The following PALS2 variants were observed in gnomAD, a reference collection of about 807,000 sequenced individuals.
The protein encoded by PALS2 is protein PALS2.
In PALS2, 27 loss-of-function variants were observed where a neutral mutation model predicts 61.6. That is an observed-to-expected ratio of 0.44 (90% confidence interval 0.32 to 0.60). The LOEUF is 0.60. Ranked by LOEUF, PALS2 falls within the 20% of genes least tolerant of loss-of-function variation. The probability of loss-of-function intolerance (pLI) is 0.05; values close to 1 mark genes in which losing one functional copy is unlikely to be tolerated. For synonymous variants in PALS2, 236 were observed against 218.6 expected (o/e 1.08, Z -0.70); for missense variants, 554 against 639.4 (o/e 0.87, Z 1.44).
At chr7:24,643,440 A>G (rs1239564981) in intron 3 of PALS2, among the ~76,000 whole-genome samples, 1 of 152,140 alleles carries the variant, frequency 6.6e-6, no homozygotes, top group East Asian at 1.9e-4. Flanking sequence ...ACAAATGTAC[A>G]TATATAATTT....
chr7:24,641,733 A>G lies in PALS2; in HGVS notation c.135A>G (p.Glu45=). ...TTTTTCAGGCTCATGAGAGGCTAGA[A>G]GATTCCAAACTAGAAGCTGTCAGTG... is the stretch of plus-strand genomic sequence containing the variant. ...KSLAKAHERL[E]DSKLEAVSDN... is the part of the protein sequence containing the mutation. Residue 45 remains glutamate (E), a synonymous_variant, in exon 3 of 12, where the codon GAA becomes GAG. Coordinates refer to ENST00000222644, the MANE Select transcript of PALS2 (RefSeq NM_001303037.2). 1 of 1,610,812 alleles carries G rather than the reference A, an allele frequency of 6.2e-7. No homozygotes were observed. The highest frequency in any genetic ancestry group is 8.5e-7 in the Non-Finnish European group (1 of 1,178,332).
chr7:24,597,518 C>G (rs1783568151), intron 1 of PALS2, among the ~76,000 whole-genome samples: 1 of 151,994 alleles, frequency 6.6e-6, no homozygotes, highest in African/African-American at 2.4e-5. Flanking sequence ...AAATGAGGTT[C>G]CATATAGGGA....
At chr7:24,636,139 G>A (rs1263064055) in intron 2 of PALS2, among the ~76,000 whole-genome samples, 1 of 151,074 alleles carries the variant, frequency 6.6e-6, no homozygotes, top group East Asian at 1.9e-4. Context: ...TTGAACCCGG[G>A]AGGTGGAGGT....
chr7:24,641,700 A>C lies in PALS2; in HGVS notation c.118-16A>C. 1 of 1,573,962 alleles carries C rather than the reference A, an allele frequency of 6.4e-7. No individual in the cohort carries two copies. The highest frequency in any genetic ancestry group is 8.6e-7 in the Non-Finnish European group (1 of 1,158,872). ...CAAATAAGTATTACTACTTTAATATACTCTTATTTTTTCAGGCTCATGAGA... is the reference window on the plus strand; with the variant it reads ...CAAATAAGTATTACTACTTTAATATCCTCTTATTTTTTCAGGCTCATGAGA... On this transcript the variant is annotated splice_polypyrimidine_tract_variant and intron_variant, in intron 2 of 11. Coordinates refer to ENST00000222644, the MANE Select transcript of PALS2 (RefSeq NM_001303037.2).
intron 3 of PALS2, 84 bp from the exon 4 acceptor site, chr7:24,649,528 G>T: frequency 7.7e-7 from 1 of 1,302,100 alleles, no homozygotes; most frequent in South Asian, 2.2e-5. Context: ...TACTCCATTG[G>T]AATAATGAAA....
chr7:24,661,973 G>T (rs1786743060), intron 5 of PALS2, among the ~76,000 whole-genome samples: 1 of 151,870 alleles, frequency 6.6e-6, no homozygotes, highest in African/African-American at 2.4e-5. Flanking sequence ...TAATTATTTT[G>T]GTTTTTTCCC....
At chr7:24,673,410 A>G (rs1405735904) in intron 9 of PALS2, among the ~76,000 whole-genome samples, 2 of 152,198 alleles carry the variant, frequency 1.3e-5, no homozygotes, top group African/African-American at 2.4e-5. Context: ...TTCAGGGCAC[A>G]TAGAATGAGT....
chr7:24,654,445 GAC>G (rs1411622443), intron 5 of PALS2, among the ~76,000 whole-genome samples: 3 of 152,040 alleles, frequency 2.0e-5, no homozygotes, highest in Non-Finnish European at 4.4e-5. Flanking sequence ...ATAAGATGAA[GAC>G]ACAAAACTCA....
At chr7:24,682,859 C>T (rs1186527911) in intron 11 of PALS2, among the ~76,000 whole-genome samples, 3 of 151,864 alleles carry the variant, frequency 2.0e-5, no homozygotes, top group Non-Finnish European at 2.9e-5. Flanking sequence ...CCATTCTGTC[C>T]CCATTGTATC....
intron 1 of PALS2, among the ~76,000 whole-genome samples, chr7:24,599,765 A>C (rs1783651733): frequency 6.6e-6 from 1 of 152,036 alleles, no homozygotes; most frequent in Non-Finnish European, 1.5e-5. Context: ...TCAGCCTCCC[A>C]AAGTGCCGGG....
intron 1 of PALS2, among the ~76,000 whole-genome samples, chr7:24,609,457 G>C (rs898518262): frequency 1.3e-5 from 2 of 152,132 alleles, no homozygotes; most frequent in Non-Finnish European, 2.9e-5. Context: ...AAGAACAGAA[G>C]GGAAGAAAAT....
chr7:24,617,633 T>C (rs939193551), intron 1 of PALS2, among the ~76,000 whole-genome samples: 3 of 152,192 alleles, frequency 2.0e-5, no homozygotes, highest in Non-Finnish European at 4.4e-5. Context: ...TAATCAATTT[T>C]AGTGATGTTT....
At chr7:24,666,486 C>A (rs997530706) in intron 8 of PALS2, among the ~76,000 whole-genome samples, 1 of 152,166 alleles carries the variant, frequency 6.6e-6, no homozygotes, top group Non-Finnish European at 1.5e-5. Flanking sequence ...TGCCATAACA[C>A]TGACCATGAT....
At chr7:24,636,595 C>T (rs552463318) in intron 2 of PALS2, among the ~76,000 whole-genome samples, 1 of 152,202 alleles carries the variant, frequency 6.6e-6, no homozygotes, top group South Asian at 2.1e-4. Flanking sequence ...CCCATTTGAT[C>T]ATTATACTAT....
chr7:24,610,533 T>C (rs950571745), intron 1 of PALS2, among the ~76,000 whole-genome samples: 7 of 152,204 alleles, frequency 4.6e-5, no homozygotes, highest in Non-Finnish European at 7.4e-5. Context: ...GAAATATTAC[T>C]AAATTACAGT....
At chr7:24,662,519 C>T (rs867128024) in intron 5 of PALS2, among the ~76,000 whole-genome samples, 1 of 151,916 alleles carries the variant, frequency 6.6e-6, no homozygotes, top group African/African-American at 2.4e-5. Flanking sequence ...CTGTAATCCC[C>T]ATACCTTGGG....
chr7:24,636,634 G>A (rs113514513), intron 2 of PALS2, among the ~76,000 whole-genome samples: 2 of 152,140 alleles, frequency 1.3e-5, no homozygotes, highest in African/African-American at 2.4e-5. Flanking sequence ...ACGTCACATT[G>A]TACACCATAA....
At chr7:24,586,575 T>C (rs1432555170) in intron 1 of PALS2, among the ~76,000 whole-genome samples, 1 of 152,114 alleles carries the variant, frequency 6.6e-6, no homozygotes, top group African/African-American at 2.4e-5. Context: ...GAACAGAGAG[T>C]TTATATTAAG....
chr7:24,600,747 A>G (rs1269934607), intron 1 of PALS2, among the ~76,000 whole-genome samples: 1 of 152,168 alleles, frequency 6.6e-6, no homozygotes, highest in Non-Finnish European at 1.5e-5. Context: ...AATATATTTC[A>G]TGTCATAGTA....
Sources: gnomAD v4.1 joint callset for allele counts (sites outside exome capture counted in the v4.1 genomes callset) on GRCh38, gnomAD v4.1.1 for gene constraint, MANE v1.5 for transcripts, NCBI Gene and HGNC (gene_info 2026-07-23, HGNC 2026-07-21) for gene names.